The following PLEKHO2 variants were observed in gnomAD, a reference collection of about 807,000 sequenced individuals.
PLEKHO2 encodes the protein pleckstrin homology domain containing O2, also known as pleckstrin homology domain-containing family O member 2.
Under a neutral mutation model 32.7 loss-of-function variants are expected in PLEKHO2, and 20 were observed. The observed-to-expected ratio is 0.61, with a 90% confidence interval of 0.43 to 0.89. The LOEUF (loss-of-function observed/expected upper bound fraction) is 0.89, where lower values mean the gene tolerates loss of function less well. Among genes scored for constraint, PLEKHO2 ranks in the 40% least tolerant of loss-of-function variants. The pLI is 0.00. For synonymous variants in PLEKHO2, 247 were observed against 246.3 expected, an observed-to-expected ratio of 1.00 and a Z score of -0.03; for missense variants, 568 against 621.2, an observed-to-expected ratio of 0.91 and a Z score of 0.91.
rs185298625 is a variant in PLEKHO2, at chr15:64,844,753, C to T, written c.12+2725C>T. On this transcript the variant is annotated intron_variant, in intron 1 of 5. Coordinates refer to ENST00000323544, the MANE Select transcript of PLEKHO2 (RefSeq NM_025201.5). The stretch of plus-strand genomic sequence containing the variant: ...CTCTGGACCAAGGCGTGTGTCTCTT[C>T]CCCTGCTCAGAGCCCTCCCCAAACC... Among the ~76,000 whole-genome samples the T allele has an allele frequency of 3.7e-4, 57 of 152,282 alleles. No individual in the cohort carries two copies. In the East Asian group the frequency reaches 9.5e-3, roughly 25 times the overall value.
intron 1 of PLEKHO2, among the ~76,000 whole-genome samples, chr15:64,848,099 G>C (rs1183145804): frequency 6.6e-6 from 1 of 152,232 alleles, no homozygotes; most frequent in African/African-American, 2.4e-5. Flanking sequence ...TCTGAGGACA[G>C]AGACTGCCTT....
At chr15:64,851,340 C>T (rs570977789) in intron 2 of PLEKHO2, among the ~76,000 whole-genome samples, 27 of 152,326 alleles carry the variant, frequency 1.8e-4, no homozygotes, top group African/African-American at 6.5e-4. Flanking sequence ...GTCAGCCTGT[C>T]AGGTACTGTC....
intron 3 of PLEKHO2, among the ~76,000 whole-genome samples, chr15:64,856,895 GCCGGCCAGGAGGTCACATGAC>G (rs2084609804): frequency 6.6e-6 from 1 of 152,220 alleles, no homozygotes; most frequent in Non-Finnish European, 1.5e-5. Flanking sequence ...GAGGCCTCCA[GCCGGCCAGGAGGTCACATGAC>G]CCTGGCTGTC....
At chr15:64,852,312 T>A (rs950126981) in intron 2 of PLEKHO2, among the ~76,000 whole-genome samples, 4 of 152,082 alleles carry the variant, frequency 2.6e-5, no homozygotes, top group African/African-American at 9.7e-5. Flanking sequence ...ATCTGGAAGG[T>A]ACTGGAGGCT....
chr15:64,849,692 C>CTCCG (rs2084551913), intron 2 of PLEKHO2, among the ~76,000 whole-genome samples: 1 of 150,984 alleles, frequency 6.6e-6, no homozygotes, highest in Non-Finnish European at 1.5e-5. Context: ...ATCCACCCAC[C>CTCCG]TCCGCCTCCC....
Position 64,861,535 on chromosome 15 carries a change from G to A in PLEKHO2, c.443G>A (p.Gly148Asp). The part of the protein sequence containing the change: ...EHVTRDRVRG[G>D]QRRRPPTRVH... ...GTGACACGGGACCGGGTGCGAGGGG[G>A]CCAGCGACGCCGGCCACCAACGAGA... The change falls in exon 5 of 6, where the codon GGC becomes GAC. Residue 148 changes from glycine (G) to aspartate (D), a missense_variant. Coordinates refer to ENST00000323544, the MANE Select transcript of PLEKHO2 (RefSeq NM_025201.5). 1.9e-6 allele frequency: 3 copies of A among 1,607,922 alleles called. No individual in the cohort carries two copies. The highest frequency in any genetic ancestry group is 1.3e-5 in the African/African-American group (1 of 74,950).
intron 2 of PLEKHO2, among the ~76,000 whole-genome samples, chr15:64,852,845 G>A (rs2084578216): frequency 6.6e-6 from 1 of 151,914 alleles, no homozygotes; most frequent in South Asian, 2.1e-4. Context: ...GGTAGCAGTG[G>A]TTCTTAACTG....
rs1271997325 is a variant in PLEKHO2 at position 64,866,877 on chromosome 15, G to T, written c.*989G>T. The T allele has an allele frequency of 6.5e-6, 1 of 152,982 alleles. No homozygotes were observed. The highest frequency in any genetic ancestry group is 1.5e-5 in the Non-Finnish European group (1 of 68,556). The allele number at this position is 152,982 out of a possible 1,614,324, so 9.5% of individuals were successfully genotyped here. A position where few individuals can be genotyped will look rare whatever the true frequency, so the allele number is the denominator to read the frequency against. On this transcript the variant is annotated 3_prime_UTR_variant, in exon 6 of 6. Transcript: ENST00000323544. ...TATCCCAGTCATTTCTTCAAATGCT[G>T]ATAGGGGTATGTTGGAATCCGAAGC...
intron 3 of PLEKHO2, among the ~76,000 whole-genome samples, chr15:64,858,798 A>G (rs1595831414): frequency 6.6e-6 from 1 of 152,190 alleles, no homozygotes; most frequent in African/African-American, 2.4e-5. Flanking sequence ...CATCTTTTCC[A>G]GTTTGAAATT....
chr15:64,841,996 C>T lies in PLEKHO2; in HGVS notation c.-21C>T. ...GCGCTGGAAGCGAGTGGCGGAGCGGCGGGACCTCGGCGGACTCGCCATGGA... is the reference window on the plus strand; with the variant it reads ...GCGCTGGAAGCGAGTGGCGGAGCGGTGGGACCTCGGCGGACTCGCCATGGA... On this transcript the variant is annotated 5_prime_UTR_variant, in exon 1 of 6. Coordinates refer to ENST00000323544, the MANE Select transcript of PLEKHO2 (RefSeq NM_025201.5). The T allele has an allele frequency of 8.0e-7, 1 of 1,246,058 alleles. No individual in the cohort carries two copies. The highest frequency in any genetic ancestry group is 1.0e-6 in the Non-Finnish European group (1 of 995,688). The allele number at this position is 1,246,058 out of a possible 1,614,324, so 77.2% of individuals were successfully genotyped here.
rs1260939526 is a variant in PLEKHO2 at position 64,867,137 on chromosome 15, C to T, written c.*1249C>T. The T allele has an allele frequency of 6.6e-6, 1 of 152,572 alleles. No homozygotes were observed. The highest frequency in any genetic ancestry group is 2.4e-5 in the African/African-American group (1 of 41,376). The allele number at this position is 152,572 out of a possible 1,614,324, so 9.5% of individuals were successfully genotyped here. A position where few individuals can be genotyped will look rare whatever the true frequency, so the allele number is the denominator to read the frequency against. ...CTGGCTCCCGAGGTCCAGCCACTCT[C>T]CCTGGGGCCTCTGGGGTGAGAGCAG... On this transcript the variant is annotated 3_prime_UTR_variant, in exon 6 of 6. Coordinates refer to ENST00000323544, the MANE Select transcript of PLEKHO2 (RefSeq NM_025201.5).
At chr15:64,845,698 G>A (rs575866695) in intron 1 of PLEKHO2, among the ~76,000 whole-genome samples, 4 of 152,228 alleles carry the variant, frequency 2.6e-5, no homozygotes, top group African/African-American at 9.6e-5. Context: ...ACTTGTTTCT[G>A]TAGGTAATCC....
At chr15:64,858,451 G>C (rs2084621006) in intron 3 of PLEKHO2, among the ~76,000 whole-genome samples, 1 of 152,196 alleles carries the variant, frequency 6.6e-6, no homozygotes, top group Non-Finnish European at 1.5e-5. Flanking sequence ...GGCATCTTGA[G>C]GTCAGAGAGT....
intron 2 of PLEKHO2, among the ~76,000 whole-genome samples, chr15:64,851,169 G>A (rs747399521): frequency 2.6e-5 from 4 of 152,334 alleles, no homozygotes; most frequent in South Asian, 2.1e-4. Context: ...ATGAGGGTGC[G>A]TAGACAGCAC....
rs138357074 is a variant in PLEKHO2 at position 64,856,080 on chromosome 15, G to T, written c.279+1043G>T. Among the ~76,000 whole-genome samples the T allele has an allele frequency of 6.1e-3, 935 of 152,200 alleles. 3 individuals are homozygous for T. Among genetic ancestry groups the T allele is most frequent in the Non-Finnish European group, 8.7e-3 (590 of 68,016 alleles). ...GCTGGAAGTGTATCCCAGGGTAGCG[G>T]CTGGTATAATTATAGTGTTATGAGG... On this transcript the variant is annotated intron_variant, in intron 3 of 5. Transcript: ENST00000323544.
rs577235281 is a variant in PLEKHO2, at chr15:64,858,753, TA to T, written c.280-1135del. Among the ~76,000 whole-genome samples the T allele has an allele frequency of 1.6e-3, 238 of 152,200 alleles. 1 individual carries two copies. Among genetic ancestry groups the T allele is most frequent in the African/African-American group, 5.1e-3 (210 of 41,514 alleles). ...TTAGATATATCTTTTTTCCCTCAATTAAAAAATAAAAAACTGTGGTAAAAAA... is the reference window on the plus strand; with the variant it reads ...TTAGATATATCTTTTTTCCCTCAATTAAAAATAAAAAACTGTGGTAAAAAA... On this transcript the variant is annotated intron_variant, in intron 3 of 5. Transcript: ENST00000323544.
At chr15:64,854,122 C>A (rs1361639000) in intron 2 of PLEKHO2, among the ~76,000 whole-genome samples, 2 of 152,188 alleles carry the variant, frequency 1.3e-5, no homozygotes, top group Admixed American at 1.3e-4. Flanking sequence ...GAGCTTTTCC[C>A]AGGCAGCTTG....
At chr15:64,858,773 TA>T (rs368467164) in intron 3 of PLEKHO2, among the ~76,000 whole-genome samples, 11 of 152,086 alleles carry the variant, frequency 7.2e-5, no homozygotes, top group African/African-American at 2.7e-4. Flanking sequence ...AAAACTGTGG[TA>T]AAAAAAAATT....
At chr15:64,860,636 G>A (rs1454915940) in intron 4 of PLEKHO2, among the ~76,000 whole-genome samples, 2 of 152,230 alleles carry the variant, frequency 1.3e-5, no homozygotes, top group African/African-American at 2.4e-5. Context: ...ATGTCAAGGA[G>A]CAAATCTTCC....
Sources: allele counts gnomAD v4.1 joint callset (sites outside exome capture counted in the v4.1 genomes callset), GRCh38; gene constraint gnomAD v4.1.1; transcripts MANE v1.5; gene names NCBI Gene and HGNC (gene_info 2026-07-23, HGNC 2026-07-21).